Variants in NPY2R observed in about 807,000 individuals in gnomAD.
NPY2R encodes the protein neuropeptide Y receptor type 2.
Under a neutral mutation model 22.3 loss-of-function variants are expected in NPY2R, and 17 were observed. The ratio of observed to expected loss-of-function variants is 0.76; its 90% CI spans 0.52 to 1.14. NPY2R has a LOEUF of 1.14. Ranked by LOEUF, NPY2R falls within the 50% of genes most tolerant of loss-of-function variation. The probability of loss-of-function intolerance (pLI) is 0.00; values close to 1 mark genes in which losing one functional copy is unlikely to be tolerated. For missense variants in NPY2R, 424 were observed against 467.9 expected (o/e 0.91, Z 0.87); for synonymous variants, 209 against 183.4 (o/e 1.14, Z -1.13).
At chr4:155,187,556 G>A in the NPY2R span, among the ~76,000 whole-genome samples, 1 of 152,056 alleles carries the variant, frequency 6.6e-6, no homozygotes, top group African/African-American at 2.4e-5. Flanking sequence ...CAGCGTGAGA[G>A]AGAGAGAGAG....
At chr4:155,198,384 T>A in the NPY2R span, among the ~76,000 whole-genome samples, 2 of 149,654 alleles carry the variant, frequency 1.3e-5, no homozygotes, top group Non-Finnish European at 3.0e-5. Context: ...AAACACCAAA[T>A]TGGTAAATTT....
chr4:155,208,364 C>T (rs148900221), upstream of NPY2R: 1 of 152,332 alleles, frequency 6.6e-6, no homozygotes, highest in Non-Finnish European at 1.5e-5. The surrounding 1 kb of genome is among the most constrained non-coding windows in gnomAD (Gnocchi z 5.6). Flanking sequence ...TTTGCCCTCG[C>T]CTTTTCCCGG....
the NPY2R span, among the ~76,000 whole-genome samples, chr4:155,179,833 C>T: frequency 6.6e-6 from 1 of 151,144 alleles, no homozygotes; most frequent in African/African-American, 2.4e-5. Context: ...TCTCCATCTC[C>T]TCAAGTCAAT....
the NPY2R span, among the ~76,000 whole-genome samples, chr4:155,197,780 C>T: frequency 2.2e-5 from 3 of 137,826 alleles, no homozygotes; most frequent in Admixed American, 1.4e-4. Flanking sequence ...CTTCATGGTG[C>T]CCCCCAGGCC....
At chr4:155,212,066 A>C (rs1249351342) in intron 1 of NPY2R, among the ~76,000 whole-genome samples, 3 of 152,194 alleles carry the variant, frequency 2.0e-5, no homozygotes, top group African/African-American at 7.2e-5. Flanking sequence ...AGAACAGAGG[A>C]ACAGTGAGGG....
the NPY2R span, among the ~76,000 whole-genome samples, chr4:155,198,561 A>ATATATATAATATATTATATATAATAT: frequency 7.6e-6 from 1 of 131,822 alleles, no homozygotes. Context: ...ATAAATATAT[A>ATATATATAATATATTATATATAATAT]ATATATTTGA....
At chr4:155,207,767 G>C (rs1729311183), upstream of NPY2R, 1 of 152,268 alleles carries the variant, frequency 6.6e-6, no homozygotes, top group Non-Finnish European at 1.5e-5. Flanking sequence ...CTAGTGGCAC[G>C]AGTGGCTTGG....
chr4:155,176,376 T>C, the NPY2R span, among the ~76,000 whole-genome samples: 1 of 152,150 alleles, frequency 6.6e-6, no homozygotes, highest in Non-Finnish European at 1.5e-5. Flanking sequence ...CTCTGTTGGC[T>C]TTCTTCTCGG....
the NPY2R span, among the ~76,000 whole-genome samples, chr4:155,195,510 G>C: frequency 1.3e-5 from 2 of 151,658 alleles, no homozygotes; most frequent in Non-Finnish European, 2.9e-5. Context: ...TATAGCCCTA[G>C]TTTTTTAATA....
At chr4:155,188,319 C>T in the NPY2R span, among the ~76,000 whole-genome samples, 3 of 152,024 alleles carry the variant, frequency 2.0e-5, no homozygotes, top group South Asian at 6.2e-4. Flanking sequence ...TTTTTGAGAT[C>T]TTCTTTCTAA....
the NPY2R span, among the ~76,000 whole-genome samples, chr4:155,196,656 A>G: frequency 1.3e-5 from 2 of 151,946 alleles, no homozygotes; most frequent in African/African-American, 4.8e-5. Flanking sequence ...ATAAGGGAAT[A>G]GGGAAGGTGT....
chr4:155,190,152 T>G, the NPY2R span, among the ~76,000 whole-genome samples: 1 of 152,012 alleles, frequency 6.6e-6, no homozygotes, highest in African/African-American at 2.4e-5. Flanking sequence ...TGGGCAACAT[T>G]TGAATTCAAG....
the NPY2R span, among the ~76,000 whole-genome samples, chr4:155,179,589 T>C: frequency 6.6e-6 from 1 of 152,174 alleles, no homozygotes; most frequent in Non-Finnish European, 1.5e-5. Context: ...TGGCAACTCA[T>C]ATATTTTCTG....
chr4:155,174,401 G>C, the NPY2R span: 9 of 147,966 alleles, frequency 6.1e-5, no homozygotes, highest in African/African-American at 2.3e-4. Context: ...GGTCTCCTAG[G>C]CATTAAGTGA....
rs569925110 is a variant in NPY2R at position 155,216,445 on chromosome 4, C to G, written c.*1360C>G. On this transcript the variant is annotated 3_prime_UTR_variant, in exon 2 of 2. Transcript: ENST00000329476. Reference sequence around the variant, plus strand: ...CTGAGATGTTAAAATAGTCATACGTCTTTAGATGCTATTAAAGTTTCATTA... The same window carrying G: ...CTGAGATGTTAAAATAGTCATACGTGTTTAGATGCTATTAAAGTTTCATTA... 1.2e-5 allele frequency: 2 copies of G among 166,774 alleles called. No homozygotes were observed. The highest frequency in any genetic ancestry group is 6.5e-5 in the Admixed American group (1 of 15,274). 10.3% of individuals were successfully genotyped at this position (166,774 alleles called of 1,614,324 possible). A position where few individuals can be genotyped will look rare whatever the true frequency, so the allele number is the denominator to read the frequency against.
chr4:155,203,930 C>T (rs1330416113), upstream of NPY2R, among the ~76,000 whole-genome samples: 1 of 152,160 alleles, frequency 6.6e-6, no homozygotes, highest in Non-Finnish European at 1.5e-5. Context: ...TTATTAGCTT[C>T]TCTGAGCTTT....
chr4:155,206,138 A>T (rs193013329), upstream of NPY2R, among the ~76,000 whole-genome samples: 1 of 152,244 alleles, frequency 6.6e-6, no homozygotes, highest in Admixed American at 6.5e-5. Context: ...CATTTATGTC[A>T]TTGGCCCTAA....
the NPY2R span, among the ~76,000 whole-genome samples, chr4:155,189,507 T>A: frequency 6.6e-5 from 10 of 152,010 alleles, no homozygotes; most frequent in Non-Finnish European, 1.5e-4. Context: ...GTGACATAAT[T>A]AATTTTTAAA....
Position 155,216,818 on chromosome 4 carries a change from T to G in NPY2R, c.*1733T>G, listed in dbSNP as rs573378325. On this transcript the variant is annotated 3_prime_UTR_variant, in exon 2 of 2. Transcript: ENST00000329476. The stretch of plus-strand genomic sequence containing the variant: ...CTAGGCAAATTGTTCAAAAATAACC[T>G]TTTTGTCTTTTAAGTAGCAGTCACT... The G allele has an allele frequency of 1.2e-5, 2 of 167,058 alleles. No homozygotes were observed. The highest frequency in any genetic ancestry group is 2.9e-5 in the Non-Finnish European group (2 of 68,106). The allele number at this position is 167,058 out of a possible 1,614,324, so 10.3% of individuals were successfully genotyped here. A position where few individuals can be genotyped will look rare whatever the true frequency, so the allele number is the denominator to read the frequency against.
Sources: gnomAD v4.1 joint callset for allele counts (sites outside exome capture counted in the v4.1 genomes callset) on GRCh38, gnomAD v4.1.1 for gene constraint, Gnocchi (gnomAD v3.1) non-coding constraint, MANE v1.5 for transcripts, NCBI Gene and HGNC (gene_info 2026-07-23, HGNC 2026-07-21) for gene names.